Variants in ZNF577 observed in about 807,000 individuals in gnomAD.
ZNF577 encodes the protein zinc finger protein 577.
ZNF577 carries 14 observed loss-of-function variants against 13.9 expected under a neutral mutation model. The ratio of observed to expected loss-of-function variants is 1.00; its 90% CI spans 0.66 to 1.57. ZNF577 has a LOEUF of 1.57. ZNF577 is among the 40% of genes most tolerant of loss of function. The pLI is 0.00. For synonymous variants in ZNF577, 203 were observed against 202.9 expected (o/e 1.00, Z 0.00); for missense variants, 555 against 579.2 (o/e 0.96, Z 0.43).
chr19:51,877,717 A>C (rs757377704), intron 4 of ZNF577: 8 of 198,794 alleles, frequency 4.0e-5, no homozygotes, highest in Non-Finnish European at 8.1e-5. Flanking sequence ...CAAAAAATTA[A>C]CAATGGAATG....
intron 6 of ZNF577, among the ~76,000 whole-genome samples, chr19:51,843,901 C>A (rs10153487): frequency 0.071 from 10,766 of 152,142 alleles, 587 homozygotes; most frequent in South Asian, 0.23. Context: ...ACATATGTAT[C>A]TGTATTAAAT....
intron 3 of ZNF577, 134 bp from the exon 4 acceptor site, chr19:51,878,649 C>A: frequency 9.0e-7 from 1 of 1,108,628 alleles, no homozygotes; most frequent in Non-Finnish European, 1.3e-6. Flanking sequence ...ACCAAAGGAC[C>A]ATGGAATTCC....
chr19:51,864,883 G>A (rs2084542496), downstream of ZNF577, among the ~76,000 whole-genome samples: 1 of 152,182 alleles, frequency 6.6e-6, no homozygotes, highest in Non-Finnish European at 1.5e-5. Context: ...GGCTTTGGGA[G>A]AAGGAGATGC....
downstream of ZNF577, among the ~76,000 whole-genome samples, chr19:51,866,803 G>A (rs2084569598): frequency 6.6e-6 from 1 of 152,082 alleles, no homozygotes; most frequent in Non-Finnish European, 1.5e-5. Context: ...CCAAAATGGT[G>A]AAATCCCATC....
At chr19:51,834,605 G>C (rs1482652152) in intron 9 of ZNF577, among the ~76,000 whole-genome samples, 1 of 152,092 alleles carries the variant, frequency 6.6e-6, no homozygotes, top group African/African-American at 2.4e-5. Context: ...AAATCTTAAT[G>C]AAGATTAGAA....
chr19:51,858,700 A>C (rs2084464305), intron 5 of ZNF577, among the ~76,000 whole-genome samples: 1 of 152,202 alleles, frequency 6.6e-6, no homozygotes, highest in Non-Finnish European at 1.5e-5. Flanking sequence ...AGGTAAAAAA[A>C]AACCTTGCTT....
In ZNF577 at chr19:51,882,994, T is replaced by A. The variant is rs1034287520; in HGVS notation, c.-218-2117A>T. ...TTTTGTGTGGGCTTTTTAAAAAAAA[T>A]TTTTTTTTTTTTTTTTTTGAGAAGG... is the stretch of plus-strand genomic sequence containing the variant. On this transcript the variant is annotated intron_variant, in intron 1 of 5. Coordinates refer to ENST00000638348, the MANE Select transcript of ZNF577 (RefSeq NM_001370449.1). Among the ~76,000 whole-genome samples, 387 of 86,166 alleles carry A rather than the reference T, an allele frequency of 4.5e-3. 2 individuals carry two copies. Among genetic ancestry groups the A allele is most frequent in the East Asian group, 0.035 (86 of 2,454 alleles). 56.5% of individuals were successfully genotyped at this position (86,166 alleles called of 152,430 possible).
intron 1 of ZNF577, among the ~76,000 whole-genome samples, chr19:51,883,205 C>G (rs2084890976): frequency 6.6e-6 from 1 of 151,968 alleles, no homozygotes; most frequent in African/African-American, 2.4e-5. Flanking sequence ...CTTTGCCAGG[C>G]TGGTCTTGAA....
rs987727376 is a variant in ZNF577, at chr19:51,868,980, A to C, written c.*3552T>G. Among the ~76,000 whole-genome samples the C allele has an allele frequency of 2.0e-5, 3 of 152,154 alleles. No individual in the cohort carries two copies. On this transcript the variant is annotated 3_prime_UTR_variant, in exon 6 of 6. Transcript: ENST00000638348. ...TCATCACCATTCTCCAGTCTCGAGT[A>C]CCCAGGGACACAATGCACTGCGGAA...
chr19:51,824,110 T>C lies in ZNF577; in HGVS notation c.*600-12436A>G. Reference sequence around the variant, plus strand: ...GTCTACCTGATCACCATCATTGCTCTGGACCGCTGTATTTGTGTCCTGCAT... The same window carrying C: ...GTCTACCTGATCACCATCATTGCTCCGGACCGCTGTATTTGTGTCCTGCAT... On this transcript the variant is annotated intron_variant and NMD_transcript_variant, in intron 9 of 10. Transcript: ENST00000638827. This position sits in a 1 kb window ranked among gnomAD's most constrained non-coding sequence, Gnocchi z 4.7. The C allele has an allele frequency of 6.2e-7, 1 of 1,614,068 alleles. No individual in the cohort carries two copies. Among genetic ancestry groups the C allele is most frequent in the Non-Finnish European group, 8.5e-7 (1 of 1,179,942 alleles).
rs1395150006 is a variant in ZNF577 at position 51,868,206 on chromosome 19, C to T, written c.*4326G>A. On this transcript the variant is annotated 3_prime_UTR_variant, in exon 6 of 6. Coordinates refer to ENST00000638348, the MANE Select transcript of ZNF577 (RefSeq NM_001370449.1). ...AAAGTTGCTGACTTAGTCCTCAAAG[C>T]ACTGCATTGTAGACACTGTTCTAGA... is the stretch of plus-strand genomic sequence containing the variant. Among the ~76,000 whole-genome samples the T allele has an allele frequency of 6.6e-6, 1 of 152,188 alleles. No homozygotes were observed. The highest frequency in any genetic ancestry group is 1.9e-4 in the East Asian group (1 of 5,202).
At chr19:51,860,995 A>G (rs1335176606) in intron 5 of ZNF577, 1 of 414,202 alleles carries the variant, frequency 2.4e-6, no homozygotes, top group East Asian at 9.1e-5. Context: ...TGTAACAAAT[A>G]TAATTTGAGA....
chr19:51,877,012 C>A (rs2122689585), intron 5 of ZNF577, among the ~76,000 whole-genome samples: 1 of 151,608 alleles, frequency 6.6e-6, no homozygotes, highest in South Asian at 2.1e-4. Flanking sequence ...AAGTCAGGAG[C>A]AGGCTGGGAA....
rs2084631566 is a variant in ZNF577 at position 51,869,894 on chromosome 19, C to T, written c.*2638G>A. Reference sequence around the variant, plus strand: ...CTACACTTCCTAGGAAGCTCAGCAGCCCTGTTCAAAAGCCTCAGTTCCCAG... The same window carrying T: ...CTACACTTCCTAGGAAGCTCAGCAGTCCTGTTCAAAAGCCTCAGTTCCCAG... On this transcript the variant is annotated 3_prime_UTR_variant, in exon 6 of 6. Transcript: ENST00000638348. Among the ~76,000 whole-genome samples, 2 of 152,300 alleles carry T rather than the reference C, an allele frequency of 1.3e-5. No homozygotes were observed. Among genetic ancestry groups the T allele is most frequent in the South Asian group, 4.1e-4 (2 of 4,830 alleles).
At chr19:51,878,641 C>G in intron 3 of ZNF577, 126 bp from the exon 4 acceptor site, 1 of 1,211,330 alleles carries the variant, frequency 8.3e-7, no homozygotes. Context: ...TTTCACATAC[C>G]AAAGGACCAT....
intron 5 of ZNF577, among the ~76,000 whole-genome samples, chr19:51,859,378 G>C (rs576030170): frequency 1.3e-5 from 2 of 152,172 alleles, no homozygotes; most frequent in Admixed American, 1.3e-4. Flanking sequence ...TGGAATTCCT[G>C]GGTCATATGG....
chr19:51,830,646 C>T (rs1419487545), intron 9 of ZNF577, among the ~76,000 whole-genome samples: 1 of 152,174 alleles, frequency 6.6e-6, no homozygotes, highest in Admixed American at 6.5e-5. Flanking sequence ...TGTCCACACC[C>T]TTTTATTTTA....
At chr19:51,847,671 G>T (rs2084359708) in intron 5 of ZNF577, among the ~76,000 whole-genome samples, 1 of 152,032 alleles carries the variant, frequency 6.6e-6, no homozygotes, top group Admixed American at 6.6e-5. Flanking sequence ...GGCCCTAAAA[G>T]CCCTCAACAA....
chr19:51,804,845 C>G (rs976125928), exon 11 of ZNF577: 2 of 152,132 alleles, frequency 1.3e-5, no homozygotes, highest in African/African-American at 4.8e-5. Context: ...GGCACCTTGC[C>G]TCTAGTGGAC....
Sources: allele counts gnomAD v4.1 joint callset (sites outside exome capture counted in the v4.1 genomes callset), GRCh38; gene constraint gnomAD v4.1.1; non-coding constraint Gnocchi (gnomAD v3.1); transcripts MANE v1.5; gene names NCBI Gene and HGNC (gene_info 2026-07-23, HGNC 2026-07-21).